The following DOCK10 variants were observed in gnomAD, a reference collection of about 807,000 sequenced individuals.
DOCK10 encodes dedicator of cytokinesis protein 10.
In DOCK10, 145 loss-of-function variants were observed where a neutral mutation model predicts 280.1. The ratio of observed to expected loss-of-function variants is 0.52; its 90% confidence interval spans 0.45 to 0.59. DOCK10 has a LOEUF of 0.59. DOCK10 is among the 20% of genes least tolerant of loss of function. The pLI is 0.00. For missense variants in DOCK10, 2,368 were observed against 2,651.7 expected (o/e 0.89, Z 2.35); for synonymous variants, 915 against 942.2 (o/e 0.97, Z 0.53).
intron 2 of DOCK10, among the ~76,000 whole-genome samples, chr2:224,926,662 T>G (rs930160413): frequency 6.6e-6 from 1 of 152,224 alleles, no homozygotes; most frequent in Non-Finnish European, 1.5e-5. Context: ...TAAGGTGATA[T>G]GTTGAGTTGA....
At chr2:224,768,902 T>C (rs751121122) in intron 55 of DOCK10, 1 of 456,694 alleles carries the variant, frequency 2.2e-6, no homozygotes, top group South Asian at 1.5e-5. Flanking sequence ...AGGGAAATAC[T>C]AGACACAGAG....
At chr2:224,992,451 A>G (rs1367694617) in intron 1 of DOCK10, among the ~76,000 whole-genome samples, 2 of 152,224 alleles carry the variant, frequency 1.3e-5, no homozygotes, top group South Asian at 2.1e-4. Flanking sequence ...CGCCCAAAGT[A>G]TCATTTTAGG....
At chr2:224,892,397 CA>C (rs1174651393) in intron 4 of DOCK10, among the ~76,000 whole-genome samples, 567 of 52,224 alleles carry the variant, frequency 0.011, no homozygotes, top group South Asian at 0.016. Context: ...GACCCTGTCT[CA>C]AAAAAAAAAA....
chr2:224,916,896 C>G (rs890556202), intron 2 of DOCK10, 112 bp from the exon 3 acceptor site: 1 of 769,278 alleles, frequency 1.3e-6, no homozygotes, highest in Admixed American at 2.4e-5. Context: ...TTAAAGTTAA[C>G]AGAAGACAGA....
At chr2:224,804,879 A>G in intron 37 of DOCK10, 38 bp from the exon 38 acceptor site, 1 of 1,422,008 alleles carries the variant, frequency 7.0e-7, no homozygotes, top group Non-Finnish European at 9.4e-7. Context: ...AATTATTCAT[A>G]TTCTTTTATT....
At chr2:224,855,600 A>C (rs964912336) in intron 15 of DOCK10, among the ~76,000 whole-genome samples, 1 of 151,624 alleles carries the variant, frequency 6.6e-6, no homozygotes, top group African/African-American at 2.4e-5. Context: ...CCTGTCTCCC[A>C]CTCACATGCA....
At position 224,856,818 on chromosome 2, in the gene DOCK10, T is replaced by C; in HGVS notation, c.1808+42A>G. ...TTTATGAAGTGATAAAAAATCAACA[T>C]GGCTGATTTATGTTAATTTCGAGAG... is the stretch of plus-strand genomic sequence containing the variant. On this transcript the variant is annotated intron_variant, in intron 15 of 55. Transcript: ENST00000258390. 2.0e-6 allele frequency: 3 copies of C among 1,534,608 alleles called. No individual in the cohort carries two copies. The African/African-American group carries it at 4.1e-5, about 21-fold the overall frequency.
intron 4 of DOCK10, among the ~76,000 whole-genome samples, chr2:224,889,129 A>G (rs1356265508): frequency 6.6e-6 from 1 of 152,244 alleles, no homozygotes; most frequent in Non-Finnish European, 1.5e-5. Flanking sequence ...GAATCTGACT[A>G]TTGAGAAAGG....
At chr2:224,946,163 A>G (rs1559836219) in intron 1 of DOCK10, among the ~76,000 whole-genome samples, 2 of 152,256 alleles carry the variant, frequency 1.3e-5, no homozygotes. Context: ...AGTAGTTTAT[A>G]GAACTGTAAA....
intron 42 of DOCK10, 38 bp from the exon 43 acceptor site, chr2:224,797,184 C>T (rs1235946372): frequency 1.3e-6 from 2 of 1,494,242 alleles, no homozygotes; most frequent in Middle Eastern, 3.6e-4. Context: ...GAGCAACATG[C>T]CTTCATTTTG....
chr2:224,850,938 C>T (rs745772024), intron 18 of DOCK10, among the ~76,000 whole-genome samples: 17 of 152,194 alleles, frequency 1.1e-4, no homozygotes, highest in Non-Finnish European at 1.5e-4. Context: ...CGGGTAGTAT[C>T]TTTATAGCAG....
At chr2:224,895,504 A>G (rs1277724887) in intron 4 of DOCK10, among the ~76,000 whole-genome samples, 2 of 152,162 alleles carry the variant, frequency 1.3e-5, no homozygotes, top group African/African-American at 4.8e-5. Flanking sequence ...CAGGAATATT[A>G]TATTTTAAAA....
In DOCK10 at chr2:224,970,892, G is replaced by A. The variant is rs904365493; in HGVS notation, c.124-39224C>T. Among the ~76,000 whole-genome samples, 12 of 152,202 alleles carry A rather than the reference G, an allele frequency of 7.9e-5. No homozygotes were observed. The highest frequency in any genetic ancestry group is 2.9e-4 in the African/African-American group (12 of 41,448). On this transcript the variant is annotated intron_variant, in intron 1 of 55. Transcript: ENST00000258390. This position sits in a 1 kb window ranked among gnomAD's most constrained non-coding sequence, Gnocchi z 4.6. ...TTTGTATTTTGTAGCTAGCATCTAT[G>A]TAGTTTCACTTAAAATTCTGCACAT...
chr2:224,829,821 C>T (rs1253500264), intron 27 of DOCK10, among the ~76,000 whole-genome samples: 2 of 152,062 alleles, frequency 1.3e-5, no homozygotes, highest in African/African-American at 2.4e-5. Flanking sequence ...TACATAGGCT[C>T]CTGAAAAGCC....
rs1246662517 is a variant in DOCK10, at chr2:224,844,773, C to T, written c.2548G>A (p.Val850Ile). 9 of 1,599,532 alleles carry T rather than the reference C, an allele frequency of 5.6e-6. No homozygotes were observed. The highest frequency in any genetic ancestry group is 5.4e-5 in the African/African-American group (4 of 74,736). ...CTCACCTGAGTATTTACTGTTGATA[C>T]AACAAATGTCGACACTTTGAAAAGT... ...KPLFKVSTFV[V>I]STVNTQDPHV... The change falls in exon 22 of 56, where the codon GTA (valine) becomes ATA (isoleucine). Residue 850 changes from valine to isoleucine, a missense_variant. Val to Ile is a conservative substitution (Grantham distance 29). This residue lies in a region of DOCK10 where 1,209 missense variants were observed against 1,250.9 expected (regional missense o/e 0.97). Transcript: ENST00000258390.
intron 31 of DOCK10, among the ~76,000 whole-genome samples, chr2:224,811,038 G>T (rs367859239): frequency 6.6e-6 from 1 of 151,838 alleles, no homozygotes; most frequent in Admixed American, 6.6e-5. Flanking sequence ...TTTCTAGTTC[G>T]AGATCCCTGA....
chr2:224,816,057 C>T (rs181437482), intron 30 of DOCK10, among the ~76,000 whole-genome samples: 83 of 151,640 alleles, frequency 5.5e-4, no homozygotes, highest in Middle Eastern at 6.8e-3. Context: ...CCCCCTCCCC[C>T]GCAAGAAAAA....
intron 3 of DOCK10, among the ~76,000 whole-genome samples, chr2:224,905,695 C>A (rs1179313525): frequency 5.9e-5 from 9 of 152,176 alleles, no homozygotes; most frequent in Non-Finnish European, 1.2e-4. Context: ...CATCTTGATT[C>A]TTCTTTGGCA....
chr2:224,951,316 T>A (rs1265927455), intron 1 of DOCK10, among the ~76,000 whole-genome samples: 1 of 152,178 alleles, frequency 6.6e-6, no homozygotes, highest in Non-Finnish European at 1.5e-5. Context: ...TTGAACATAA[T>A]GGGTATTTGT....
Sources: allele counts gnomAD v4.1 joint callset (sites outside exome capture counted in the v4.1 genomes callset), GRCh38; gene constraint gnomAD v4.1.1; regional missense constraint gnomAD v4.1.1; non-coding constraint Gnocchi (gnomAD v3.1); transcripts MANE v1.5; gene names NCBI Gene and HGNC (gene_info 2026-07-23, HGNC 2026-07-21).